FARP1: variants seen among roughly 807,000 people sequenced by gnomAD.
FARP1 encodes FERM, ARHGEF and pleckstrin domain-containing protein 1.
A neutral mutation model predicts 128.8 loss-of-function variants in FARP1; 52 were observed. The ratio of observed to expected loss-of-function variants is 0.40; its 90% CI spans 0.32 to 0.51. FARP1 has a LOEUF of 0.51. Among genes scored for constraint, FARP1 ranks in the 20% least tolerant of loss-of-function variants. The probability of loss-of-function intolerance (pLI) is 0.45; values close to 1 mark genes in which losing one functional copy is unlikely to be tolerated. For synonymous variants in FARP1, 580 were observed against 551.8 expected (o/e 1.05, Z -0.72); for missense variants, 1,333 against 1,367.9 (o/e 0.97, Z 0.40).
chr13:98,396,261 G>C (rs1431999891), intron 13 of FARP1: 2 of 399,078 alleles, frequency 5.0e-6, no homozygotes, highest in African/African-American at 4.1e-5. Flanking sequence ...CCAGAGGCAT[G>C]GCGGGGCAGC....
intron 8 of FARP1, among the ~76,000 whole-genome samples, chr13:98,387,033 G>C (rs1413974915): frequency 1.3e-4 from 20 of 152,110 alleles, no homozygotes; most frequent in African/African-American, 4.8e-5. Flanking sequence ...GGGCGCGGTC[G>C]CTCACACCTG....
At position 98,447,030 on chromosome 13, in the gene FARP1, G is replaced by A. The variant is rs80285975; in HGVS notation, c.3056+213G>A. 4.8e-3 allele frequency: 2,614 copies of A among 539,978 alleles called. 44 individuals carry two copies. The highest frequency in any genetic ancestry group is 0.03 in the East Asian group (951 of 31,286). The allele number at this position is 539,978 out of a possible 1,614,324, so 33.4% of individuals were successfully genotyped here. A position where few individuals can be genotyped will look rare whatever the true frequency, so the allele number is the denominator to read the frequency against. Reference sequence around the variant, plus strand: ...ACTTCCCTGCGCCCTTACCCTGCACGGTGTTGGCTGAGGCCCTAGACATCT... The same window carrying A: ...ACTTCCCTGCGCCCTTACCCTGCACAGTGTTGGCTGAGGCCCTAGACATCT... On this transcript the variant is annotated intron_variant, in intron 26 of 26. Coordinates refer to ENST00000319562, the MANE Select transcript of FARP1 (RefSeq NM_005766.4).
intron 13 of FARP1, chr13:98,401,262 A>G (rs557785756): frequency 1.3e-5 from 2 of 152,206 alleles, no homozygotes; most frequent in South Asian, 4.2e-4. Flanking sequence ...TTTCTGTTTA[A>G]TTGAGTGAAA....
At chr13:98,436,095 G>C (rs1469134817) in intron 19 of FARP1, 1 of 273,672 alleles carries the variant, frequency 3.7e-6, no homozygotes, top group Non-Finnish European at 7.5e-6. Context: ...AATTATGCTA[G>C]AAATTCCCAT....
Position 98,395,311 on chromosome 13 carries a change from G to C in FARP1, c.1249G>C (p.Val417Leu), listed in dbSNP as rs756227037. The C allele has an allele frequency of 2.1e-5, 34 of 1,610,400 alleles. No individual in the cohort carries two copies. The highest frequency in any genetic ancestry group is 2.9e-5 in the Non-Finnish European group (34 of 1,177,660). Residue 417 changes from valine (V) to leucine (L), a missense_variant, in exon 13 of 27, where the codon GTT (valine) becomes CTT (leucine). Around this residue, in one of 2 missense-constraint regions of FARP1, gnomAD observed 1,009 missense variants for 969.8 expected, o/e 1.04. Transcript: ENST00000319562. ...QSCRRGKEPK[V>L]SAGEPGSHPS... ...CTGCCGGCGAGGAAAGGAACCGAAG[G>C]TTTCCGCCGGGGAGCCGGGGTCGCA...
chr13:98,336,726 A>G (rs754318554), intron 2 of FARP1, among the ~76,000 whole-genome samples: 4 of 152,202 alleles, frequency 2.6e-5, no homozygotes, highest in Non-Finnish European at 5.9e-5. Flanking sequence ...GTTTAATTTT[A>G]TAGGCTCCAA....
At chr13:98,175,448 C>A (rs1435468891) in intron 1 of FARP1, among the ~76,000 whole-genome samples, 3 of 152,046 alleles carry the variant, frequency 2.0e-5, no homozygotes, top group Admixed American at 1.3e-4. Context: ...AACTCTTGAA[C>A]CCCATCCTCT....
intron 2 of FARP1, among the ~76,000 whole-genome samples, chr13:98,302,227 C>T (rs1349491049): frequency 5.9e-5 from 9 of 152,330 alleles, no homozygotes; most frequent in Non-Finnish European, 5.9e-5. Context: ...GGGGCAAACA[C>T]GTGGAATGAA....
chr13:98,449,091 G>A lies in FARP1; in HGVS notation c.*774G>A, dbSNP rs1239925391. ...GGTGTACACAATGGGAAGATAATAAGCCGTGGTGTTTTGCTGTCTGTCTGT... is the reference window on the plus strand; with the variant it reads ...GGTGTACACAATGGGAAGATAATAAACCGTGGTGTTTTGCTGTCTGTCTGT... On this transcript the variant is annotated 3_prime_UTR_variant, in exon 27 of 27. Coordinates refer to ENST00000319562, the MANE Select transcript of FARP1 (RefSeq NM_005766.4). 1 of 152,196 alleles carries A rather than the reference G, an allele frequency of 6.6e-6. No individual in the cohort carries two copies. Among genetic ancestry groups the A allele is most frequent in the Non-Finnish European group, 1.5e-5 (1 of 68,066 alleles). The allele number at this position is 152,196 out of a possible 1,614,324, so 9.4% of individuals were successfully genotyped here.
intron 1 of FARP1, among the ~76,000 whole-genome samples, chr13:98,209,155 C>CCTG (rs1566742877): frequency 1.3e-5 from 2 of 152,024 alleles, no homozygotes; most frequent in Non-Finnish European, 2.9e-5. Flanking sequence ...ACTATAGGCG[C>CCTG]CCACCACCAT....
In FARP1 at chr13:98,177,134, T is replaced by G. The variant is rs144854034; in HGVS notation, c.-24+33642T>G. ...TGCTCGGGGTCGCAGGCCGGGCGCT[T>G]TCTGAGGCCTGCAGCCCCTTTCCGT... On this transcript the variant is annotated intron_variant, in intron 1 of 26. Coordinates refer to ENST00000319562, the MANE Select transcript of FARP1 (RefSeq NM_005766.4). 1,832 of 1,605,402 alleles carry G rather than the reference T, an allele frequency of 1.1e-3. 1 individual carries two copies. The highest frequency in any genetic ancestry group is 1.4e-3 in the Admixed American group (82 of 59,994).
chr13:98,175,005 A>T (rs1212925734), intron 1 of FARP1, among the ~76,000 whole-genome samples: 1 of 152,130 alleles, frequency 6.6e-6, no homozygotes, highest in African/African-American at 2.4e-5. Context: ...CAAGGTCAAA[A>T]TCACGTGGAA....
chr13:98,272,252 A>G (rs1452013428), intron 2 of FARP1, among the ~76,000 whole-genome samples: 1 of 150,650 alleles, frequency 6.6e-6, no homozygotes, highest in Non-Finnish European at 1.5e-5. Flanking sequence ...CTTGCCTTGA[A>G]CTCCTGAGCT....
At chr13:98,330,528 G>A (rs1887458260) in intron 2 of FARP1, among the ~76,000 whole-genome samples, 1 of 152,122 alleles carries the variant, frequency 6.6e-6, no homozygotes, top group Non-Finnish European at 1.5e-5. Flanking sequence ...GCCGAGGCAG[G>A]TGGATCACCT....
chr13:98,446,377 G>C lies in FARP1; in HGVS notation c.2904+172G>C, dbSNP rs1027566696. ...ACCCGAGGCCCTCAACTCTAGGGAA[G>C]ACTGACATTATCATCCACTGAAGGA... On this transcript the variant is annotated intron_variant, in intron 25 of 26. Coordinates refer to ENST00000319562, the MANE Select transcript of FARP1 (RefSeq NM_005766.4). 2.2e-5 allele frequency: 13 copies of C among 604,608 alleles called. No homozygotes were observed. The African/African-American group carries it at 2.4e-4, about 11-fold the overall frequency. The allele number at this position is 604,608 out of a possible 1,614,324, so 37.5% of individuals were successfully genotyped here.
chr13:98,395,649 C>T (rs1890503799), intron 13 of FARP1, 173 bp downstream of exon 13: 1 of 771,720 alleles, frequency 1.3e-6, no homozygotes, highest in Non-Finnish European at 2.0e-6. Context: ...CCAGCGGTGT[C>T]TATCTGCTGT....
At chr13:98,289,471 T>C (rs946236505) in intron 2 of FARP1, among the ~76,000 whole-genome samples, 1 of 152,236 alleles carries the variant, frequency 6.6e-6, no homozygotes, top group Non-Finnish European at 1.5e-5. Context: ...AAGCATTTAT[T>C]TGAGCCATCC....
chr13:98,269,310 A>T (rs1884280680), intron 2 of FARP1, among the ~76,000 whole-genome samples: 1 of 152,226 alleles, frequency 6.6e-6, no homozygotes, highest in Non-Finnish European at 1.5e-5. Context: ...AAAGGATAAA[A>T]GTAGTTAAGT....
chr13:98,258,620 G>A (rs1382963242), intron 2 of FARP1, among the ~76,000 whole-genome samples: 2 of 151,970 alleles, frequency 1.3e-5, no homozygotes, highest in African/African-American at 2.4e-5. Flanking sequence ...TTGGGAGGCC[G>A]AGGTTGGAGG....
Sources: allele counts gnomAD v4.1 joint callset (sites outside exome capture counted in the v4.1 genomes callset), GRCh38; gene constraint gnomAD v4.1.1; regional missense constraint gnomAD v4.1.1; transcripts MANE v1.5; gene names NCBI Gene and HGNC (gene_info 2026-07-23, HGNC 2026-07-21).